The following GTF3C3 variants were observed in gnomAD, a reference collection of about 807,000 sequenced individuals.
GTF3C3 encodes general transcription factor 3C polypeptide 3.
A neutral mutation model predicts 105.2 loss-of-function variants in GTF3C3; 75 were observed. That is an observed-to-expected ratio of 0.71 (90% CI 0.59 to 0.86). The LOEUF (loss-of-function observed/expected upper bound fraction) is 0.86, where lower values mean the gene tolerates loss of function less well. Ranked by LOEUF, GTF3C3 falls within the 40% of genes least tolerant of loss-of-function variation. The probability of loss-of-function intolerance (pLI) is 0.00; values close to 1 mark genes in which losing one functional copy is unlikely to be tolerated. For missense variants in GTF3C3, 856 were observed against 1,076.5 expected (o/e 0.80, Z 2.87); for synonymous variants, 335 against 370.4 (o/e 0.90, Z 1.10).
At chr2:196,778,786 TC>T in intron 10 of GTF3C3, 109 bp downstream of exon 10, 1 of 962,198 alleles carries the variant, frequency 1.0e-6, no homozygotes, top group Non-Finnish European at 1.7e-6. Context: ...TTCAAAAAAC[TC>T]CCCTGAAACC....
At chr2:196,789,654 G>A (rs915025544) in intron 5 of GTF3C3, among the ~76,000 whole-genome samples, 6 of 152,054 alleles carry the variant, frequency 3.9e-5, no homozygotes, top group Non-Finnish European at 2.9e-5. Context: ...GAAACTGAAG[G>A]TACTGTTCAT....
intron 8 of GTF3C3, among the ~76,000 whole-genome samples, chr2:196,783,698 T>C (rs1015868200): frequency 3.9e-5 from 6 of 152,156 alleles, no homozygotes; most frequent in Admixed American, 6.5e-5. Flanking sequence ...TCTGCTTAAA[T>C]TGGGCCTCTA....
intron 16 of GTF3C3, among the ~76,000 whole-genome samples, chr2:196,768,086 C>G (rs185008941): frequency 6.6e-6 from 1 of 152,176 alleles, no homozygotes; most frequent in Admixed American, 6.5e-5. Context: ...GGTGTGATCT[C>G]AGCTCATTGC....
intron 7 of GTF3C3, 123 bp from the exon 8 acceptor site, chr2:196,785,052 T>C: frequency 1.5e-6 from 1 of 661,078 alleles, no homozygotes; most frequent in Non-Finnish European, 2.5e-6. Context: ...AAAGAAAGAG[T>C]CTTTTAAAAA....
chr2:196,784,815 GAGAGGATTATAT>G, intron 8 of GTF3C3, 30 bp downstream of exon 8: 1 of 1,553,574 alleles, frequency 6.4e-7, no homozygotes, highest in Non-Finnish European at 8.7e-7. Flanking sequence ...TTATGACCAA[GAGAGGATTATAT>G]ACACTTTCCT....
chr2:196,763,194 A>C lies in GTF3C3; in HGVS notation c.*1369T>G, dbSNP rs1422971424. The C allele has an allele frequency of 6.6e-6, 1 of 152,216 alleles. No individual in the cohort carries two copies. Among genetic ancestry groups the C allele is most frequent in the Non-Finnish European group, 1.5e-5 (1 of 68,038 alleles). 9.4% of individuals were successfully genotyped at this position (152,216 alleles called of 1,614,324 possible). ...GCAGAGTAAAAACTCAGCAAATGGA[A>C]GCTATGATTTTAAAAGCTAAACAAA... On this transcript the variant is annotated 3_prime_UTR_variant, in exon 18 of 18. Coordinates refer to ENST00000263956, the MANE Select transcript of GTF3C3 (RefSeq NM_012086.5).
intron 17 of GTF3C3, 58 bp from the exon 18 acceptor site, chr2:196,764,743 T>A (rs1230254708): frequency 6.9e-7 from 1 of 1,445,502 alleles, no homozygotes; most frequent in Non-Finnish European, 9.5e-7. Flanking sequence ...CGGGACAATT[T>A]TATGGCAAAT....
intron 13 of GTF3C3, 181 bp downstream of exon 13, chr2:196,774,935 T>C: frequency 4.7e-6 from 2 of 426,544 alleles, no homozygotes; most frequent in Non-Finnish European, 4.1e-6. Flanking sequence ...ATTTAAAGTA[T>C]TTACATTTAG....
In GTF3C3 at chr2:196,771,903, A is replaced by G; in HGVS notation, c.2105T>C (p.Leu702Pro). The change falls in exon 15 of 18, where the codon CTC becomes CCC. Residue 702 changes from leucine to proline, a missense_variant. Transcript: ENST00000263956. Reference protein sequence around the residue: ...MVMENVNKPQLWNIFNQVTMH... With the variant: ...MVMENVNKPQPWNIFNQVTMH... ...GGTAACTTGATTGAAAATGTTCCAG[A>G]GCTGGGGTTTATTGACATTTTCCAT... 1.2e-6 allele frequency: 2 copies of G among 1,613,290 alleles called. No homozygotes were observed. The highest frequency in any genetic ancestry group is 1.7e-6 in the Non-Finnish European group (2 of 1,179,200).
rs1214205635 is a variant in GTF3C3, at chr2:196,779,118, A to G, written c.1219-51T>C. ...TTAAACATTCATTACAAACGTGCAC[A>G]TCTATCTATAGCTTTTTTTTTTTTT... On this transcript the variant is annotated intron_variant, in intron 9 of 17. Transcript: ENST00000263956. The G allele has an allele frequency of 2.8e-6, 4 of 1,409,498 alleles. No homozygotes were observed. The East Asian group carries it at 9.1e-5, about 32-fold the overall frequency. The allele number at this position is 1,409,498 out of a possible 1,614,324, so 87.3% of individuals were successfully genotyped here. A position where few individuals can be genotyped will look rare whatever the true frequency, so the allele number is the denominator to read the frequency against.
At chr2:196,789,496 A>G (rs952217715) in intron 5 of GTF3C3, 127 bp from the exon 6 acceptor site, 3 of 628,056 alleles carry the variant, frequency 4.8e-6, no homozygotes, top group East Asian at 2.8e-5. Flanking sequence ...AGTTATTCTG[A>G]ATAAATCTAT....
At chr2:196,784,716 A>C (rs1699423550) in intron 8 of GTF3C3, 141 bp downstream of exon 8, 1 of 1,103,982 alleles carries the variant, frequency 9.1e-7, no homozygotes, top group African/African-American at 1.6e-5. Context: ...ATCTCTGAGA[A>C]AAAAATGCTT....
intron 1 of GTF3C3, among the ~76,000 whole-genome samples, chr2:196,798,896 A>T (rs1038717909): frequency 6.6e-6 from 1 of 151,536 alleles, no homozygotes; most frequent in Non-Finnish European, 1.5e-5. Context: ...CTGCCTTCGA[A>T]CTTAAAAATT....
chr2:196,770,670 CT>C (rs1348851353), intron 15 of GTF3C3, among the ~76,000 whole-genome samples: 1 of 152,018 alleles, frequency 6.6e-6, no homozygotes, highest in Non-Finnish European at 1.5e-5. Flanking sequence ...GCAAGTTTTT[CT>C]CATAAAGGAA....
intron 8 of GTF3C3, among the ~76,000 whole-genome samples, chr2:196,781,357 A>AAAAAAAAAAAAAAAAAAAATATAT: frequency 1.1e-4 from 2 of 18,822 alleles, no homozygotes; most frequent in Non-Finnish European, 3.0e-4. Context: ...AAAAAAAAAA[A>AAAAAAAAAAAAAAAAAAAATATAT]ATATATATAT....
rs751239739 is a variant in GTF3C3 at position 196,776,408 on chromosome 2, T to C, written c.1593+19A>G. The C allele has an allele frequency of 1.3e-6, 2 of 1,599,412 alleles. No individual in the cohort carries two copies. The highest frequency in any genetic ancestry group is 3.3e-5 in the Admixed American group (2 of 59,788). Reference sequence around the variant, plus strand: ...TATAATATACCAAGAAAAACTTCCCTCTATGTGACATGGCCCACCTGCTGT... The same window carrying C: ...TATAATATACCAAGAAAAACTTCCCCCTATGTGACATGGCCCACCTGCTGT... On this transcript the variant is annotated intron_variant, in intron 11 of 17. Transcript: ENST00000263956. The surrounding 1 kb of genome is among the most constrained non-coding windows in gnomAD (Gnocchi z 4.5).
Position 196,780,647 on chromosome 2 carries a change from GT to G in GTF3C3, c.1129del (p.Thr377ProfsTer10), listed in dbSNP as rs779234945. ...TGGCACGCCATCAGGTATAGTGCAG[GT>G]AACATTCTCAGGAGCTGGAGAATAC... ...SEENKAPENV[T>X]CTIPDGVPID... On this transcript the variant is annotated frameshift_variant, in exon 9 of 18. Transcript: ENST00000263956. LOFTEE classifies it high-confidence loss of function. The G allele has an allele frequency of 6.2e-7, 1 of 1,611,652 alleles. No homozygotes were observed. Among genetic ancestry groups the G allele is most frequent in the South Asian group, 1.1e-5 (1 of 90,852 alleles).
In GTF3C3 at chr2:196,793,130, C is replaced by A; in HGVS notation, c.237G>T (p.Arg79Ser). The change falls in exon 3 of 18, where the codon AGG (arginine) becomes AGT (serine). Residue 79 changes from arginine to serine, a missense_variant. Around this residue, in one of 3 missense-constraint regions of GTF3C3, gnomAD observed 117 missense variants for 114.0 expected, o/e 1.03. Transcript: ENST00000263956. Reference sequence around the variant, plus strand: ...AAGCAAAGACCTTGTGAACTGACTTCCTCACTCCATCTGATGTTTCTCCTG... The same window carrying A: ...AAGCAAAGACCTTGTGAACTGACTTACTCACTCCATCTGATGTTTCTCCTG... Reference protein sequence around the residue: ...VNEGETSDGVRKSVHKVFASM... With the variant: ...VNEGETSDGVSKSVHKVFASM... The A allele has an allele frequency of 6.2e-7, 1 of 1,612,044 alleles. No individual in the cohort carries two copies. The highest frequency in any genetic ancestry group is 1.1e-5 in the South Asian group (1 of 90,922).
chr2:196,777,417 C>T (rs570199891), intron 10 of GTF3C3, among the ~76,000 whole-genome samples: 21 of 152,294 alleles, frequency 1.4e-4, no homozygotes, highest in Admixed American at 5.9e-4. Context: ...ACTTTACACC[C>T]AATCAGTCAA....
Sources: allele counts gnomAD v4.1 joint callset (sites outside exome capture counted in the v4.1 genomes callset), GRCh38; gene constraint gnomAD v4.1.1; regional missense constraint gnomAD v4.1.1; non-coding constraint Gnocchi (gnomAD v3.1); transcripts MANE v1.5; gene names NCBI Gene and HGNC (gene_info 2026-07-23, HGNC 2026-07-21).